The following GPHN variants were observed in gnomAD, a reference collection of about 807,000 sequenced individuals.
GPHN encodes gephyrin.
In GPHN, 17 loss-of-function variants were observed where a neutral mutation model predicts 95.5. The observed-to-expected ratio is 0.18, with a 90% CI of 0.12 to 0.27. The LOEUF (loss-of-function observed/expected upper bound fraction) is 0.27, where lower values mean the gene tolerates loss of function less well. Ranked by LOEUF, GPHN falls within the 10% of genes least tolerant of loss-of-function variation. GPHN has a pLI of 1.00. For missense variants in GPHN, 660 were observed against 978.1 expected (o/e 0.67, Z 4.34); for synonymous variants, 320 against 322.5 (o/e 0.99, Z 0.08).
At chr14:67,305,482 T>C in the GPHN span, among the ~76,000 whole-genome samples, 3 of 152,208 alleles carry the variant, frequency 2.0e-5, no homozygotes, top group Non-Finnish European at 4.4e-5. Flanking sequence ...GCTTTCACTA[T>C]GTTGCCCAGG....
chr14:67,477,308 T>A, the GPHN span, among the ~76,000 whole-genome samples: 17 of 152,344 alleles, frequency 1.1e-4, no homozygotes, highest in African/African-American at 4.1e-4. Context: ...TCTTCCTGTC[T>A]TTCATCTCCA....
At chr14:67,149,658 A>G (rs2081132732) in intron 18 of GPHN, among the ~76,000 whole-genome samples, 1 of 152,196 alleles carries the variant, frequency 6.6e-6, no homozygotes, top group South Asian at 2.1e-4. Flanking sequence ...AATTGCAACT[A>G]CCCATATTAA....
the GPHN span, among the ~76,000 whole-genome samples, chr14:67,194,555 G>C: frequency 4.6e-5 from 7 of 152,020 alleles, no homozygotes; most frequent in Non-Finnish European, 1.5e-5. Flanking sequence ...ACACAGGCTA[G>C]AGTGCAGTGG....
the GPHN span, among the ~76,000 whole-genome samples, chr14:67,323,269 A>G: frequency 8.8e-4 from 112 of 127,618 alleles, no homozygotes; most frequent in African/African-American, 2.8e-3. Flanking sequence ...GTGTATATAT[A>G]TATATGGCTT....
At chr14:66,616,478 G>A (rs2063041162) in intron 1 of GPHN, among the ~76,000 whole-genome samples, 1 of 151,444 alleles carries the variant, frequency 6.6e-6, no homozygotes, top group Non-Finnish European at 1.5e-5. Context: ...TCTTCTGTAG[G>A]GCCACTGCAA....
intron 2 of GPHN, among the ~76,000 whole-genome samples, chr14:66,733,372 T>G (rs1359105398): frequency 6.6e-6 from 1 of 151,900 alleles, no homozygotes; most frequent in Non-Finnish European, 1.5e-5. Context: ...AACAGACTAA[T>G]ACAGACACCT....
intron 1 of GPHN, among the ~76,000 whole-genome samples, chr14:66,579,692 C>A (rs553321671): frequency 6.6e-6 from 1 of 151,684 alleles, no homozygotes; most frequent in Non-Finnish European, 1.5e-5. Flanking sequence ...ATCAGAACAC[C>A]TAAATACATA....
chr14:66,752,949 A>G (rs917495071), intron 2 of GPHN, among the ~76,000 whole-genome samples: 1 of 149,480 alleles, frequency 6.7e-6, no homozygotes, highest in Non-Finnish European at 1.5e-5. Flanking sequence ...AAAAAAAAAA[A>G]AGAGAAGAGA....
chr14:66,629,115 ATATAAATATG>A (rs2063642844), intron 1 of GPHN, among the ~76,000 whole-genome samples: 2 of 138,044 alleles, frequency 1.4e-5, no homozygotes, highest in African/African-American at 5.4e-5. Flanking sequence ...TTATATACAT[ATATAAATATG>A]TATATAAATA....
At chr14:67,641,182 G>A in the GPHN span, among the ~76,000 whole-genome samples, 4 of 152,108 alleles carry the variant, frequency 2.6e-5, no homozygotes, top group Non-Finnish European at 5.9e-5. Context: ...TGCACAAGAT[G>A]ATTTAAAATA....
At chr14:66,530,376 G>A (rs1005899773) in intron 1 of GPHN, among the ~76,000 whole-genome samples, 2 of 152,280 alleles carry the variant, frequency 1.3e-5, no homozygotes, top group Admixed American at 1.3e-4. Context: ...ATCTTAGCTT[G>A]CTGGGCTCCT....
intron 1 of GPHN, among the ~76,000 whole-genome samples, chr14:66,592,864 G>A (rs2061815027): frequency 6.6e-6 from 1 of 152,166 alleles, no homozygotes; most frequent in African/African-American, 2.4e-5. Context: ...GTTTATTGCA[G>A]CAATATTCAC....
At chr14:67,102,603 T>C (rs938976534) in intron 13 of GPHN, among the ~76,000 whole-genome samples, 1 of 151,924 alleles carries the variant, frequency 6.6e-6, no homozygotes, top group Non-Finnish European at 1.5e-5. Flanking sequence ...GAGGTTGCAG[T>C]GAGCCGAAAT....
At chr14:67,093,728 C>T (rs1369236684) in intron 12 of GPHN, among the ~76,000 whole-genome samples, 1 of 152,042 alleles carries the variant, frequency 6.6e-6, no homozygotes, top group African/African-American at 2.4e-5. Flanking sequence ...CACCTCCCTG[C>T]GTTCCATAGG....
chr14:67,054,537 A>G (rs990146478), intron 10 of GPHN, among the ~76,000 whole-genome samples: 2 of 152,222 alleles, frequency 1.3e-5, no homozygotes, highest in Admixed American at 6.5e-5. Flanking sequence ...AGAGTAATTT[A>G]TAGATTCAAT....
At chr14:66,559,512 T>G (rs2060143033) in intron 1 of GPHN, among the ~76,000 whole-genome samples, 1 of 151,408 alleles carries the variant, frequency 6.6e-6, no homozygotes, top group Non-Finnish European at 1.5e-5. Context: ...TTTTTTCATG[T>G]GTTTTTTGGC....
intron 2 of GPHN, among the ~76,000 whole-genome samples, chr14:66,749,260 G>A (rs576745300): frequency 1.3e-5 from 2 of 152,018 alleles, no homozygotes; most frequent in East Asian, 1.9e-4. Flanking sequence ...GGACATCTTC[G>A]TTGTTTACAA....
At chr14:66,537,924 C>T (rs1025189598) in intron 1 of GPHN, among the ~76,000 whole-genome samples, 1 of 152,128 alleles carries the variant, frequency 6.6e-6, no homozygotes, top group Non-Finnish European at 1.5e-5. Context: ...AACTCCTAGG[C>T]TCGAGCGATC....
chr14:67,709,995 C>G, the GPHN span, among the ~76,000 whole-genome samples: 1 of 152,198 alleles, frequency 6.6e-6, no homozygotes, highest in Non-Finnish European at 1.5e-5. Flanking sequence ...ATCAGAAACT[C>G]AAAAGAATGT....
Sources: allele counts gnomAD v4.1 joint callset (sites outside exome capture counted in the v4.1 genomes callset), GRCh38; gene constraint gnomAD v4.1.1; transcripts MANE v1.5; gene names NCBI Gene and HGNC (gene_info 2026-07-23, HGNC 2026-07-21).